NPAS3: variants seen among roughly 807,000 people sequenced by gnomAD.
NPAS3 encodes the protein neuronal PAS domain protein 3.
In NPAS3, 14 loss-of-function variants were observed where a neutral mutation model predicts 73.1. The ratio of observed to expected loss-of-function variants is 0.19; its 90% CI spans 0.13 to 0.30. The LOEUF is 0.30. Among genes scored for constraint, NPAS3 ranks in the 10% least tolerant of loss-of-function variants. NPAS3 has a pLI of 1.00. For missense variants in NPAS3, 1,096 were observed against 1,250.0 expected, an observed-to-expected ratio of 0.88 and a Z score of 1.86; for synonymous variants, 620 against 541.5, an observed-to-expected ratio of 1.14 and a Z score of -2.01.
chr14:33,456,512 G>C (rs1291808773), intron 4 of NPAS3, among the ~76,000 whole-genome samples: 1 of 152,090 alleles, frequency 6.6e-6, no homozygotes, highest in African/African-American at 2.4e-5. Context: ...CTTTGGGCAC[G>C]ATAACATTAG....
intron 3 of NPAS3, among the ~76,000 whole-genome samples, chr14:33,325,639 C>CAA (rs1164467989): frequency 2.3e-4 from 14 of 62,022 alleles, no homozygotes; most frequent in Admixed American, 5.5e-4. Context: ...GACTCCGTCT[C>CAA]AAAAAAAAAA....
intron 2 of NPAS3, among the ~76,000 whole-genome samples, chr14:33,208,325 T>G (rs1380988933): frequency 3.3e-5 from 5 of 152,150 alleles, no homozygotes; most frequent in African/African-American, 1.2e-4. Context: ...ATTACTATTC[T>G]AATGACTCAT....
intron 6 of NPAS3, among the ~76,000 whole-genome samples, chr14:33,729,094 A>G (rs569119966): frequency 6.6e-4 from 100 of 152,340 alleles, no homozygotes; most frequent in African/African-American, 2.3e-3. Context: ...AAGTTAAGAC[A>G]TCATTCCTTT....
In NPAS3 at chr14:33,011,187, A is replaced by G. The variant is rs117446794; in HGVS notation, c.51-44718A>G. Among the ~76,000 whole-genome samples the G allele has an allele frequency of 6.2e-4, 95 of 152,246 alleles. No homozygotes were observed. In the East Asian group the frequency reaches 0.016, roughly 26 times the overall value. On this transcript the variant is annotated intron_variant, in intron 1 of 11. Transcript: ENST00000356141. ...ACACTGAGCACTTTTGTACTGCATCATTTTTCACCATGCATTTGTATGATT... is the reference window on the plus strand; with the variant it reads ...ACACTGAGCACTTTTGTACTGCATCGTTTTTCACCATGCATTTGTATGATT...
At chr14:33,449,933 C>T (rs1380616370) in intron 4 of NPAS3, among the ~76,000 whole-genome samples, 1 of 152,126 alleles carries the variant, frequency 6.6e-6, no homozygotes, top group Non-Finnish European at 1.5e-5. Flanking sequence ...ATGATTGGAG[C>T]AATAGCATTT....
At chr14:33,150,750 A>G (rs2044415785) in intron 2 of NPAS3, among the ~76,000 whole-genome samples, 1 of 152,222 alleles carries the variant, frequency 6.6e-6, no homozygotes, top group South Asian at 2.1e-4. Flanking sequence ...CAGCTAAGCC[A>G]GAACTTACTA....
chr14:33,623,634 C>G (rs1006012832), intron 5 of NPAS3, among the ~76,000 whole-genome samples: 1 of 152,200 alleles, frequency 6.6e-6, no homozygotes, highest in East Asian at 1.9e-4. Flanking sequence ...TCCACTCTCT[C>G]CAAGGCCTTC....
chr14:33,693,296 C>A (rs1007015011), intron 6 of NPAS3, among the ~76,000 whole-genome samples: 9 of 152,086 alleles, frequency 5.9e-5, no homozygotes, highest in Non-Finnish European at 1.3e-4. Context: ...ATGACCAATC[C>A]CTGTTTTTGC....
In NPAS3 at chr14:33,531,694, A is replaced by G. The variant is rs912135626; in HGVS notation, c.469-28427A>G. Among the ~76,000 whole-genome samples the G allele has an allele frequency of 3.3e-5, 5 of 152,106 alleles. No individual in the cohort carries two copies. The East Asian group carries it at 7.7e-4, about 23-fold the overall frequency. On this transcript the variant is annotated intron_variant, in intron 4 of 11. Coordinates refer to ENST00000356141, the Ensembl canonical transcript of NPAS3. Reference sequence around the variant, plus strand: ...TTACATTTCCCTAGGGTAAATACCTAGGAGTAGGGCTTCTGCATTACGTGG... The same window carrying G: ...TTACATTTCCCTAGGGTAAATACCTGGGAGTAGGGCTTCTGCATTACGTGG...
At chr14:33,278,634 A>G (rs2041448918) in intron 3 of NPAS3, among the ~76,000 whole-genome samples, 1 of 152,176 alleles carries the variant, frequency 6.6e-6, no homozygotes, top group Non-Finnish European at 1.5e-5. Flanking sequence ...GCTCTTCTTA[A>G]TTTTACAATC....
chr14:33,156,132 C>CA (rs1434623265), intron 2 of NPAS3, among the ~76,000 whole-genome samples: 1 of 151,858 alleles, frequency 6.6e-6, no homozygotes, highest in Non-Finnish European at 1.5e-5. Context: ...GGTGTAGAAT[C>CA]AAAAAACAAC....
chr14:33,106,758 A>G (rs2042734199), intron 2 of NPAS3, among the ~76,000 whole-genome samples: 1 of 152,184 alleles, frequency 6.6e-6, no homozygotes, highest in Admixed American at 6.5e-5. Flanking sequence ...ATGCACGGGA[A>G]GTCTAAACAA....
At chr14:33,677,132 A>T (rs1265026511) in intron 6 of NPAS3, among the ~76,000 whole-genome samples, 2 of 152,236 alleles carry the variant, frequency 1.3e-5, no homozygotes, top group Non-Finnish European at 2.9e-5. Flanking sequence ...CTGTTCAAAC[A>T]CGGGGAAGAT....
intron 5 of NPAS3, among the ~76,000 whole-genome samples, chr14:33,591,722 C>A (rs968711153): frequency 1.3e-5 from 2 of 152,170 alleles, no homozygotes; most frequent in African/African-American, 4.8e-5. Flanking sequence ...GTCATCACTG[C>A]AGTTTACCTA....
At chr14:32,945,993 T>C (rs945938184) in intron 1 of NPAS3, among the ~76,000 whole-genome samples, 1 of 152,208 alleles carries the variant, frequency 6.6e-6, no homozygotes, top group Non-Finnish European at 1.5e-5. Context: ...CACAAGTTTC[T>C]CTAAAGATTA....
intron 2 of NPAS3, among the ~76,000 whole-genome samples, chr14:33,204,451 T>C (rs1396475287): frequency 6.6e-6 from 1 of 152,082 alleles, no homozygotes; most frequent in East Asian, 1.9e-4. Flanking sequence ...CAAGATACCA[T>C]CTATTGTGGC....
At chr14:33,290,195 G>T (rs2042044751) in intron 3 of NPAS3, among the ~76,000 whole-genome samples, 1 of 152,152 alleles carries the variant, frequency 6.6e-6, no homozygotes, top group Non-Finnish European at 1.5e-5. Context: ...TAGCCTGAAG[G>T]TTTATGTAAT....
intron 2 of NPAS3, among the ~76,000 whole-genome samples, chr14:33,211,845 T>C (rs541836080): frequency 3.3e-4 from 50 of 152,288 alleles, no homozygotes; most frequent in Admixed American, 5.9e-4. Flanking sequence ...AAGAATCTCT[T>C]TTCTGCTATT....
At chr14:33,713,866 A>G (rs2060887314) in intron 6 of NPAS3, among the ~76,000 whole-genome samples, 1 of 152,158 alleles carries the variant, frequency 6.6e-6, no homozygotes, top group Non-Finnish European at 1.5e-5. Flanking sequence ...TTTTATCGCC[A>G]TCACTTTTCC....
Sources: gnomAD v4.1 joint callset for allele counts (sites outside exome capture counted in the v4.1 genomes callset) on GRCh38, gnomAD v4.1.1 for gene constraint, MANE v1.5 for transcripts, NCBI Gene and HGNC (gene_info 2026-07-23, HGNC 2026-07-21) for gene names.